Variants in CCDC88A observed in about 807,000 individuals in gnomAD.
The protein encoded by CCDC88A is girdin.
A neutral mutation model predicts 234.3 loss-of-function variants in CCDC88A; 54 were observed. The ratio of observed to expected loss-of-function variants is 0.23; its 90% CI spans 0.19 to 0.29. The LOEUF is 0.29. Among genes scored for constraint, CCDC88A ranks in the 10% least tolerant of loss-of-function variants. The pLI is 1.00. For synonymous variants in CCDC88A, 753 were observed against 737.8 expected (o/e 1.02, Z -0.33); for missense variants, 1,832 against 2,123.4 (o/e 0.86, Z 2.70).
At chr2:55,366,606 A>G (rs1672009068) in intron 5 of CCDC88A, among the ~76,000 whole-genome samples, 1 of 151,970 alleles carries the variant, frequency 6.6e-6, no homozygotes, top group Non-Finnish European at 1.5e-5. Flanking sequence ...TGGACATAGG[A>G]AAAAAGCAAA....
chr2:55,392,711 G>A (rs916959196), intron 2 of CCDC88A, among the ~76,000 whole-genome samples: 2 of 152,156 alleles, frequency 1.3e-5, no homozygotes, highest in African/African-American at 4.8e-5. Flanking sequence ...GTCTACTGGT[G>A]CTCTTGAAGG....
Position 55,335,755 on chromosome 2 carries a change from GT to G in CCDC88A, c.1657-592del, listed in dbSNP as rs1420794826. Among the ~76,000 whole-genome samples, 1 of 152,134 alleles carries G rather than the reference GT, an allele frequency of 6.6e-6. No individual in the cohort carries two copies. The highest frequency in any genetic ancestry group is 2.4e-5 in the African/African-American group (1 of 41,426). On this transcript the variant is annotated intron_variant, in intron 14 of 32. Transcript: ENST00000436346. This position sits in a 1 kb window ranked among gnomAD's most constrained non-coding sequence, Gnocchi z 4.5. ...AATACAATGATTCTCAAAATTTAGT[GT>G]GTTAAATAATCTCAACAAGCTTGGA...
chr2:55,335,072 T>C lies in CCDC88A; in HGVS notation c.1749A>G (p.Lys583=), dbSNP rs769812252. The C allele has an allele frequency of 2.5e-6, 4 of 1,612,226 alleles. No homozygotes were observed. In the Admixed American group the frequency reaches 5.0e-5, roughly 20 times the overall value. The change falls in exon 15 of 33, where the codon AAA becomes AAG. Residue 583 remains lysine, a synonymous_variant. Transcript: ENST00000436346. This position sits in a 1 kb window ranked among gnomAD's most constrained non-coding sequence, Gnocchi z 4.5. ...GAATTTTGTTTTCTTTTTCAATGTC[T>C]TTCACTCTTGCTTCTGCACTTATCT... ...RSQISAEARV[K]DIEKENKILH...
At chr2:55,367,397 A>G (rs1002825440) in intron 5 of CCDC88A, among the ~76,000 whole-genome samples, 1 of 152,106 alleles carries the variant, frequency 6.6e-6, no homozygotes, top group African/African-American at 2.4e-5. Context: ...AATTGTTAAA[A>G]TGGTAAATTT....
intron 12 of CCDC88A, among the ~76,000 whole-genome samples, chr2:55,341,311 AT>A (rs1308088580): frequency 6.7e-6 from 1 of 150,130 alleles, no homozygotes; most frequent in African/African-American, 2.4e-5. Context: ...CGCTCAGCAA[AT>A]TTTTTTTGTA....
chr2:55,400,825 T>C (rs1250979189), intron 2 of CCDC88A, among the ~76,000 whole-genome samples: 1 of 152,236 alleles, frequency 6.6e-6, no homozygotes, highest in Admixed American at 6.5e-5. Context: ...TTTTTGATCA[T>C]GGCACTGTAA....
intron 12 of CCDC88A, among the ~76,000 whole-genome samples, chr2:55,341,339 G>A (rs543597781): frequency 3.3e-4 from 50 of 151,456 alleles, no homozygotes; most frequent in Non-Finnish European, 6.5e-4. Flanking sequence ...GTAGAGACGG[G>A]GTTTCATCAT....
chr2:55,381,555 A>AAG (rs1258199799), intron 3 of CCDC88A, among the ~76,000 whole-genome samples: 44 of 150,840 alleles, frequency 2.9e-4, no homozygotes, highest in African/African-American at 8.0e-4. Context: ...CCTGTCTCAA[A>AAG]AAAAAAAAAA....
Position 55,419,098 on chromosome 2 carries a change from GA to G in CCDC88A, c.-20del. ...TCTCCATTTTACAGAGTATGTATTTGAAAAAAGGAACTACCACAAAAATACG... is the reference window on the plus strand; with the variant it reads ...TCTCCATTTTACAGAGTATGTATTTGAAAAAGGAACTACCACAAAAATACG... On this transcript the variant is annotated 5_prime_UTR_variant, in exon 1 of 33. Coordinates refer to ENST00000436346, the MANE Select transcript of CCDC88A (RefSeq NM_001365480.1). 2 of 1,531,102 alleles carry G rather than the reference GA, an allele frequency of 1.3e-6. No homozygotes were observed. Among genetic ancestry groups the G allele is most frequent in the Non-Finnish European group, 1.8e-6 (2 of 1,107,402 alleles). 94.8% of individuals were successfully genotyped at this position (1,531,102 alleles called of 1,614,324 possible).
intron 3 of CCDC88A, among the ~76,000 whole-genome samples, chr2:55,381,181 A>T (rs112276412): frequency 0.012 from 1,838 of 152,292 alleles, 37 homozygotes; most frequent in African/African-American, 0.042. Flanking sequence ...GTAGGTGTGT[A>T]GTAGACTATA....
At position 55,334,640 on chromosome 2, in the gene CCDC88A, G is replaced by A. The variant is rs1361719760; in HGVS notation, c.2181C>T (p.Asn727=). The part of the protein sequence containing the change: ...SMKMAQLQLE[N]KELESEKEQL... ...GCTCTTTTTCACTTTCCAGTTCTTT[G>A]TTTTCTAGCTGTAGCTGAGCCATTT... The change falls in exon 15 of 33, where the codon AAC becomes AAT. Residue 727 remains asparagine (N), a synonymous_variant. Transcript: ENST00000436346. This position sits in a 1 kb window ranked among gnomAD's most constrained non-coding sequence, Gnocchi z 6.1. The A allele has an allele frequency of 6.2e-7, 1 of 1,613,470 alleles. No homozygotes were observed. The highest frequency in any genetic ancestry group is 8.5e-7 in the Non-Finnish European group (1 of 1,179,822).
At chr2:55,302,663 T>C (rs1247411423) in intron 26 of CCDC88A, 1 of 158,234 alleles carries the variant, frequency 6.3e-6, no homozygotes, top group African/African-American at 2.4e-5. Flanking sequence ...TTTTCAAGGG[T>C]TTTTGGCCAC....
rs562790240 is a variant in CCDC88A, at chr2:55,386,035, C to T, written c.273+2743G>A. ...GGTCAGGAGTTCAAGACCAGCCTGA[C>T]CAATATGATGAAACCTGTCTCTACT... On this transcript the variant is annotated intron_variant, in intron 3 of 32. Coordinates refer to ENST00000436346, the MANE Select transcript of CCDC88A (RefSeq NM_001365480.1). Among the ~76,000 whole-genome samples, 6 of 148,962 alleles carry T rather than the reference C, an allele frequency of 4.0e-5. No homozygotes were observed. The South Asian group carries it at 1.3e-3, about 32-fold the overall frequency.
chr2:55,320,040 A>G (rs892271997), intron 18 of CCDC88A, among the ~76,000 whole-genome samples: 7 of 152,134 alleles, frequency 4.6e-5, no homozygotes, highest in Non-Finnish European at 1.0e-4. Flanking sequence ...CCCACATATT[A>G]TACCATAAAA....
chr2:55,328,616 A>G lies in CCDC88A; in HGVS notation c.2856-181T>C. ...TCTCCCTTTAAAACTAATCCTGGTA[A>G]TGAAGCAACAAAATCATTGAGTGAA... On this transcript the variant is annotated intron_variant, in intron 16 of 32. Transcript: ENST00000436346. This position sits in a 1 kb window ranked among gnomAD's most constrained non-coding sequence, Gnocchi z 4.3. The G allele has an allele frequency of 2.4e-6, 1 of 413,914 alleles. No homozygotes were observed. The highest frequency in any genetic ancestry group is 4.2e-6 in the Non-Finnish European group (1 of 239,166). The allele number at this position is 413,914 out of a possible 1,614,324, so 25.6% of individuals were successfully genotyped here. A position where few individuals can be genotyped will look rare whatever the true frequency, so the allele number is the denominator to read the frequency against.
At chr2:55,295,105 C>T in intron 31 of CCDC88A, 2 of 1,304,530 alleles carry the variant, frequency 1.5e-6, no homozygotes, top group Middle Eastern at 4.3e-4. Context: ...TGATTATCCT[C>T]AGAAACCAAC....
chr2:55,367,562 C>G (rs1220088384), intron 5 of CCDC88A, among the ~76,000 whole-genome samples: 3 of 64,884 alleles, frequency 4.6e-5, no homozygotes, highest in Non-Finnish European at 8.9e-5. Flanking sequence ...TGCTACGTTA[C>G]CAGGCTGGAA....
intron 23 of CCDC88A, among the ~76,000 whole-genome samples, chr2:55,310,979 A>G (rs1164237266): frequency 1.3e-5 from 2 of 152,212 alleles, no homozygotes; most frequent in African/African-American, 2.4e-5. Flanking sequence ...TGCAAGATGG[A>G]TATTTGTAAT....
chr2:55,377,870 T>C (rs983852480), intron 3 of CCDC88A, among the ~76,000 whole-genome samples: 1 of 152,190 alleles, frequency 6.6e-6, no homozygotes, highest in Non-Finnish European at 1.5e-5. Flanking sequence ...CCTCCCAAAG[T>C]GCTGAGATTA....
Sources: allele counts gnomAD v4.1 joint callset (sites outside exome capture counted in the v4.1 genomes callset), GRCh38; gene constraint gnomAD v4.1.1; non-coding constraint Gnocchi (gnomAD v3.1); transcripts MANE v1.5; gene names NCBI Gene and HGNC (gene_info 2026-07-23, HGNC 2026-07-21).